The following CHMP5 variants were observed in gnomAD, a reference collection of about 807,000 sequenced individuals.
CHMP5 encodes SNF7 domain containing 2.
Under a neutral mutation model 33.0 loss-of-function variants are expected in CHMP5, and 17 were observed. The observed-to-expected ratio is 0.52, with a 90% CI of 0.35 to 0.77. The LOEUF (loss-of-function observed/expected upper bound fraction) is 0.77. Among genes scored for constraint, CHMP5 ranks in the 30% least tolerant of loss-of-function variants. The probability of loss-of-function intolerance (pLI) is 0.01; values close to 1 mark genes in which losing one functional copy is unlikely to be tolerated. For synonymous variants in CHMP5, 76 were observed against 90.2 expected (o/e 0.84, Z 0.89); for missense variants, 216 against 261.5 (o/e 0.83, Z 1.20).
chr9:33,269,878 C>T (rs950106117), intron 3 of CHMP5, among the ~76,000 whole-genome samples: 2 of 152,012 alleles, frequency 1.3e-5, no homozygotes, highest in South Asian at 4.1e-4. Flanking sequence ...GAGGCTGAGG[C>T]AGGAGAATCT....
chr9:33,265,694 G>C (rs1367588041), intron 1 of CHMP5, among the ~76,000 whole-genome samples: 1 of 152,196 alleles, frequency 6.6e-6, no homozygotes, highest in Non-Finnish European at 1.5e-5. Context: ...GTGCCTCTTG[G>C]AGGAACTCTC....
At chr9:33,280,691 T>G in intron 7 of CHMP5, 118 bp from the exon 8 acceptor site, 2 of 860,158 alleles carry the variant, frequency 2.3e-6, no homozygotes, top group Non-Finnish European at 1.8e-6. Context: ...ATGACTGCGA[T>G]TTTGGTTTTG....
chr9:33,270,516 G>C, intron 3 of CHMP5, 107 bp from the exon 4 acceptor site: 2 of 923,728 alleles, frequency 2.2e-6, no homozygotes, highest in Non-Finnish European at 3.3e-6. Flanking sequence ...TAAGTTTTTT[G>C]TTCCGTTGTT....
At position 33,281,306 on chromosome 9, in the gene CHMP5, C is replaced by A. The variant is rs1820920232; in HGVS notation, c.*447C>A. On this transcript the variant is annotated 3_prime_UTR_variant, in exon 8 of 8. Coordinates refer to ENST00000223500, the MANE Select transcript of CHMP5 (RefSeq NM_016410.6). ...TATTATAGGTTGGTTAAAGTGATGG[C>A]CTTTTTGATGGGTTTTGTTGTGTCT... The A allele has an allele frequency of 6.5e-6, 1 of 154,736 alleles. No homozygotes were observed. Among genetic ancestry groups the A allele is most frequent in the East Asian group, 1.9e-4 (1 of 5,240 alleles). 9.6% of individuals were successfully genotyped at this position (154,736 alleles called of 1,614,324 possible). A position where few individuals can be genotyped will look rare whatever the true frequency, so the allele number is the denominator to read the frequency against.
chr9:33,267,767 G>C (rs968658253), intron 2 of CHMP5, 86 bp from the exon 3 acceptor site: 2 of 808,700 alleles, frequency 2.5e-6, no homozygotes, highest in Admixed American at 2.0e-5. Flanking sequence ...GAGGAAGTAG[G>C]CATGTGAGTT....
chr9:33,276,453 T>C lies in CHMP5; in HGVS notation c.388-3T>C. ...GAAAATCCTCTCATATATATTTCCGTAGGATTTACAAGACCAGCTAGAGGA... is the reference window on the plus strand; with the variant it reads ...GAAAATCCTCTCATATATATTTCCGCAGGATTTACAAGACCAGCTAGAGGA... On this transcript the variant is annotated splice_region_variant and splice_polypyrimidine_tract_variant and intron_variant, in intron 5 of 7. Coordinates refer to ENST00000223500, the MANE Select transcript of CHMP5 (RefSeq NM_016410.6). 7.8e-6 allele frequency: 12 copies of C among 1,546,294 alleles called. No homozygotes were observed. Among genetic ancestry groups the C allele is most frequent in the Non-Finnish European group, 9.8e-6 (11 of 1,121,484 alleles).
intron 6 of CHMP5, chr9:33,277,852 A>T: frequency 3.3e-6 from 1 of 306,530 alleles, no homozygotes. Context: ...TTTTCCACTT[A>T]TTTCTTTATT....
intron 6 of CHMP5, chr9:33,277,903 C>T: frequency 2.3e-6 from 1 of 444,124 alleles, no homozygotes; most frequent in South Asian, 4.4e-5. Flanking sequence ...TAAGTCTCTA[C>T]CTGCTATTGT....
intron 6 of CHMP5, among the ~76,000 whole-genome samples, chr9:33,277,207 A>G (rs1255808310): frequency 6.6e-6 from 1 of 151,748 alleles, no homozygotes; most frequent in Non-Finnish European, 1.5e-5. Flanking sequence ...AAAAAAAAAA[A>G]AAAAAAAGAA....
intron 1 of CHMP5, 152 bp downstream of exon 1, chr9:33,265,299 C>T: frequency 2.7e-6 from 2 of 739,322 alleles, no homozygotes. Flanking sequence ...CCCCTTCATC[C>T]CTGTTACCCA....
intron 7 of CHMP5, among the ~76,000 whole-genome samples, chr9:33,280,272 C>T (rs1820906235): frequency 2.0e-5 from 3 of 152,126 alleles, no homozygotes; most frequent in African/African-American, 2.4e-5. Flanking sequence ...CCACCGCGCC[C>T]GGCCTGTTGT....
At chr9:33,269,396 T>C (rs1820766522) in intron 3 of CHMP5, among the ~76,000 whole-genome samples, 1 of 152,126 alleles carries the variant, frequency 6.6e-6, no homozygotes, top group African/African-American at 2.4e-5. Flanking sequence ...CCCACCTACT[T>C]GGGAGGCTGA....
At position 33,278,318 on chromosome 9, in the gene CHMP5, T is replaced by G. The variant is rs1820879898; in HGVS notation, c.609+93T>G. 5 of 784,130 alleles carry G rather than the reference T, an allele frequency of 6.4e-6. No homozygotes were observed. The Admixed American group carries it at 1.1e-4, about 18-fold the overall frequency. The allele number at this position is 784,130 out of a possible 1,614,324, so 48.6% of individuals were successfully genotyped here. A position where few individuals can be genotyped will look rare whatever the true frequency, so the allele number is the denominator to read the frequency against. On this transcript the variant is annotated intron_variant, in intron 7 of 7. Transcript: ENST00000223500. Reference sequence around the variant, plus strand: ...GGAATCTAAAAGGTAGTCTTAACATTAGAACAAAGAAAGACAGTCCTGGTC... The same window carrying G: ...GGAATCTAAAAGGTAGTCTTAACATGAGAACAAAGAAAGACAGTCCTGGTC...
rs1820783847 is a variant in CHMP5 at position 33,270,679 on chromosome 9, A to G, written c.278A>G (p.Asn93Ser). 4.3e-6 allele frequency: 7 copies of G among 1,614,062 alleles called. No individual in the cohort carries two copies. Among genetic ancestry groups the G allele is most frequent in the Non-Finnish European group, 5.1e-6 (6 of 1,180,030 alleles). The part of the protein sequence containing the change: ...AQQSFNMEQA[N>S]YTIQSLKDTK... ...CAGTCATTCAACATGGAACAAGCCAATTATACCATCCAGTCTTTGAAGGAC... is the reference window on the plus strand; with the variant it reads ...CAGTCATTCAACATGGAACAAGCCAGTTATACCATCCAGTCTTTGAAGGAC... Residue 93 changes from asparagine to serine, a missense_variant, in exon 4 of 8, where the codon AAT (asparagine) becomes AGT (serine). Transcript: ENST00000223500.
chr9:33,267,527 G>A (rs1252813052), intron 2 of CHMP5, among the ~76,000 whole-genome samples: 1 of 152,190 alleles, frequency 6.6e-6, no homozygotes, highest in African/African-American at 2.4e-5. Flanking sequence ...TTGATGGGCT[G>A]TACAAGTGAA....
chr9:33,276,312 A>T (rs1820853754), intron 5 of CHMP5, 144 bp from the exon 6 acceptor site: 1 of 560,284 alleles, frequency 1.8e-6, no homozygotes, highest in Non-Finnish European at 3.1e-6. Flanking sequence ...ACAGTTGTTG[A>T]GAACTGTTTA....
chr9:33,271,610 T>C lies in CHMP5; in HGVS notation c.387+387T>C, dbSNP rs1014641584. ...TATTATGAAATAGGCTGTTAGATGA[T>C]TTTGCCCAACTGTAGGCTAATGTAA... On this transcript the variant is annotated intron_variant, in intron 5 of 7. Coordinates refer to ENST00000223500, the MANE Select transcript of CHMP5 (RefSeq NM_016410.6). 2.6e-5 allele frequency among the ~76,000 whole-genome samples: 4 copies of C among 152,204 alleles called. No individual in the cohort carries two copies. The South Asian group carries it at 8.3e-4, about 31-fold the overall frequency.
intron 2 of CHMP5, among the ~76,000 whole-genome samples, chr9:33,266,445 C>T (rs1161177410): frequency 2.0e-5 from 3 of 152,104 alleles, no homozygotes; most frequent in African/African-American, 4.8e-5. Context: ...GCACTCTAGC[C>T]CAAGTGACAG....
chr9:33,276,586 G>A, intron 6 of CHMP5, 22 bp downstream of exon 6: 1 of 1,367,962 alleles, frequency 7.3e-7, no homozygotes, highest in Non-Finnish European at 1.0e-6. Flanking sequence ...GAAAAGTAAT[G>A]TATATTTAGT....
Sources: allele counts gnomAD v4.1 joint callset (sites outside exome capture counted in the v4.1 genomes callset), GRCh38; gene constraint gnomAD v4.1.1; transcripts MANE v1.5; gene names NCBI Gene and HGNC (gene_info 2026-07-23, HGNC 2026-07-21).